The following ARHGEF6 variants were observed in gnomAD, a reference collection of about 807,000 sequenced individuals.
The protein encoded by ARHGEF6 is rho guanine nucleotide exchange factor 6.
Under a neutral mutation model 70.3 loss-of-function variants are expected in ARHGEF6, and 9 were observed. The observed-to-expected ratio is 0.13, with a 90% CI of 0.08 to 0.22. The LOEUF is 0.22. ARHGEF6 is among the 10% of genes least tolerant of loss of function. The pLI is 1.00. For synonymous variants in ARHGEF6, 201 were observed against 207.8 expected (o/e 0.97, Z 0.28); for missense variants, 470 against 563.0 (o/e 0.83, Z 1.67).
At chrX:136,693,077 TTA>T (rs1311051480) in intron 9 of ARHGEF6, among the ~76,000 whole-genome samples, 1 of 112,438 alleles carries the variant, frequency 8.9e-6, no homozygotes, top group African/African-American at 3.2e-5. Context: ...TCTTTTCAAT[TTA>T]GTAAACAAGT....
chrX:136,705,420 T>C (rs2076616831), intron 9 of ARHGEF6, among the ~76,000 whole-genome samples: 1 of 111,957 alleles, frequency 8.9e-6, no homozygotes, highest in South Asian at 3.7e-4. Flanking sequence ...GCATTTACAT[T>C]ATTCTTTCTG....
chrX:136,767,216 G>C, intron 2 of ARHGEF6: 3 of 755,506 alleles, frequency 4.0e-6, no homozygotes, highest in Non-Finnish European at 4.7e-6. Flanking sequence ...CCTCCTGGAA[G>C]CCGTTCGCCC....
intron 2 of ARHGEF6, among the ~76,000 whole-genome samples, chrX:136,755,212 G>A (rs1369128403): frequency 8.9e-6 from 1 of 112,086 alleles, no homozygotes; most frequent in Admixed American, 9.4e-5. Flanking sequence ...ACATTGAAGA[G>A]TGGCCAGACA....
At chrX:136,723,217 A>G (rs1256369224) in intron 6 of ARHGEF6, among the ~76,000 whole-genome samples, 1 of 112,419 alleles carries the variant, frequency 8.9e-6, no homozygotes. Context: ...TTGTGAAATT[A>G]GATGAGATAG....
chrX:136,761,361 A>T (rs1739497476), intron 2 of ARHGEF6, among the ~76,000 whole-genome samples: 1 of 112,393 alleles, frequency 8.9e-6, no homozygotes, highest in South Asian at 3.6e-4. Context: ...TCTCTGTTCC[A>T]TGGATATCAC....
At chrX:136,763,066 T>C (rs1178062856) in intron 2 of ARHGEF6, among the ~76,000 whole-genome samples, 2 of 112,289 alleles carry the variant, frequency 1.8e-5, no homozygotes, top group Non-Finnish European at 3.8e-5. Context: ...GTCTGCTTTT[T>C]ATAGTTTTTC....
rs1272271804 is a variant in ARHGEF6, at chrX:136,684,462, A to G, written c.1392+1215T>C. ...AAGATGTTTTGGGAGAAGGAAGACA[A>G]TTCTAACACCCGATACATCAAACCA... On this transcript the variant is annotated intron_variant, in intron 12 of 21. Coordinates refer to ENST00000250617, the MANE Select transcript of ARHGEF6 (RefSeq NM_004840.3). 4.5e-5 allele frequency among the ~76,000 whole-genome samples: 5 copies of G among 111,770 alleles called. No homozygotes were observed. In the Admixed American group the frequency reaches 4.7e-4, roughly 11 times the overall value.
chrX:136,675,882 T>A (rs1036304283), intron 18 of ARHGEF6, among the ~76,000 whole-genome samples: 2 of 107,631 alleles, frequency 1.9e-5, no homozygotes, highest in Non-Finnish European at 3.9e-5. Context: ...CCTTCTCCTC[T>A]ACTCCAAACT....
In ARHGEF6 at chrX:136,732,155, T is replaced by C; in HGVS notation, c.679A>G (p.Lys227Glu). 6 of 1,205,904 alleles carry C rather than the reference T, an allele frequency of 5.0e-6. No homozygotes were observed. The highest frequency in any genetic ancestry group is 6.7e-6 in the Non-Finnish European group (6 of 890,698). Reference sequence around the variant, plus strand: ...GCAGTTTCAAATCCTTTGACGGCTTTTGGGGAGAGAGGTCTCTCTGTGAAA... The same window carrying C: ...GCAGTTTCAAATCCTTTGACGGCTTCTGGGGAGAGAGGTCTCTCTGTGAAA... ...IKSSERPLSPKAVKGFETAPL... is the reference protein window; with the variant it reads ...IKSSERPLSPEAVKGFETAPL... The change falls in exon 6 of 22, where the codon AAA becomes GAA. Residue 227 changes from lysine (K) to glutamate (E), a missense_variant. Coordinates refer to ENST00000250617, the MANE Select transcript of ARHGEF6 (RefSeq NM_004840.3).
intron 6 of ARHGEF6, among the ~76,000 whole-genome samples, chrX:136,717,369 A>G (rs1365224195): frequency 9.0e-6 from 1 of 111,723 alleles, no homozygotes; most frequent in Non-Finnish European, 1.9e-5. Flanking sequence ...ATCTTGTGAA[A>G]TTATCCTTCA....
chrX:136,722,708 T>C (rs1028574439), intron 6 of ARHGEF6, among the ~76,000 whole-genome samples: 2 of 112,213 alleles, frequency 1.8e-5, no homozygotes, highest in Non-Finnish European at 3.8e-5. Context: ...CAATTGCTGG[T>C]AAGAATGTAA....
intron 5 of ARHGEF6, among the ~76,000 whole-genome samples, chrX:136,737,656 C>A (rs2077000305): frequency 9.9e-6 from 1 of 101,286 alleles, no homozygotes; most frequent in African/African-American, 3.7e-5. Flanking sequence ...GAGTTTGAGA[C>A]CAGCCTGGGC....
intron 6 of ARHGEF6, among the ~76,000 whole-genome samples, chrX:136,727,886 C>T (rs2076887361): frequency 9.1e-6 from 1 of 109,953 alleles, no homozygotes; most frequent in Non-Finnish European, 1.9e-5. Context: ...GGATCCCAAC[C>T]GCATTTTGAA....
intron 12 of ARHGEF6, among the ~76,000 whole-genome samples, chrX:136,683,549 G>T (rs1254369844): frequency 9.1e-6 from 1 of 110,362 alleles, no homozygotes; most frequent in Admixed American, 9.6e-5. Flanking sequence ...GTAGAGATGG[G>T]GTTTCTCCAT....
intron 9 of ARHGEF6, among the ~76,000 whole-genome samples, chrX:136,706,072 C>T (rs747898785): frequency 8.9e-6 from 1 of 111,977 alleles, no homozygotes; most frequent in East Asian, 2.8e-4. Context: ...CCTGGATTTC[C>T]AGCATATGAC....
intron 20 of ARHGEF6, 29 bp from the exon 21 acceptor site, chrX:136,669,565 A>G (rs2076201106): frequency 1.7e-6 from 2 of 1,145,144 alleles, no homozygotes; most frequent in African/African-American, 3.6e-5. Context: ...ATTCAGAGAC[A>G]AATGGCTTGC....
At chrX:136,687,318 T>C (rs2076413405) in intron 11 of ARHGEF6, among the ~76,000 whole-genome samples, 1 of 112,268 alleles carries the variant, frequency 8.9e-6, no homozygotes, top group Non-Finnish European at 1.9e-5. Context: ...GAAATGAAGC[T>C]AAGTTTAATC....
intron 2 of ARHGEF6, among the ~76,000 whole-genome samples, chrX:136,776,489 T>G (rs1468152144): frequency 8.9e-6 from 1 of 111,808 alleles, no homozygotes; most frequent in African/African-American, 3.3e-5. Context: ...GCAAGCCACA[T>G]GTAGGAGAAT....
intron 2 of ARHGEF6, among the ~76,000 whole-genome samples, chrX:136,766,288 T>A (rs1409022955): frequency 1.1e-5 from 1 of 93,229 alleles, no homozygotes; most frequent in Admixed American, 1.4e-4. Context: ...CAGGCAAATA[T>A]AAGTTTAAAA....
Sources: allele counts gnomAD v4.1 joint callset (sites outside exome capture counted in the v4.1 genomes callset), GRCh38; gene constraint gnomAD v4.1.1; transcripts MANE v1.5; gene names NCBI Gene and HGNC (gene_info 2026-07-23, HGNC 2026-07-21).